Variants in MICAL2 observed in about 807,000 individuals in gnomAD.
MICAL2 encodes [F-actin]-monooxygenase MICAL2.
A neutral mutation model predicts 127.3 loss-of-function variants in MICAL2; 77 were observed. That is an observed-to-expected ratio of 0.60 (90% CI 0.50 to 0.73). The LOEUF (loss-of-function observed/expected upper bound fraction) is 0.73, where lower values mean the gene tolerates loss of function less well. Ranked by LOEUF, MICAL2 falls within the 30% of genes least tolerant of loss-of-function variation. MICAL2 has a pLI of 0.00. For synonymous variants in MICAL2, 570 were observed against 551.1 expected (o/e 1.03, Z -0.48); for missense variants, 1,351 against 1,434.4 (o/e 0.94, Z 0.94).
At chr11:12,124,206 TTAAG>T (rs1850728439) in intron 1 of MICAL2, among the ~76,000 whole-genome samples, 1 of 152,050 alleles carries the variant, frequency 6.6e-6, no homozygotes, top group South Asian at 2.1e-4. Flanking sequence ...AGAATCCTAT[TTAAG>T]TATGCCTTCC....
chr11:12,152,855 A>G (rs1853748660), intron 2 of MICAL2, among the ~76,000 whole-genome samples: 1 of 152,144 alleles, frequency 6.6e-6, no homozygotes, highest in African/African-American at 2.4e-5. Flanking sequence ...AGTATTTCAG[A>G]AAGTTAGCAA....
At chr11:12,154,484 C>T (rs746891471) in intron 2 of MICAL2, among the ~76,000 whole-genome samples, 3 of 152,158 alleles carry the variant, frequency 2.0e-5, no homozygotes, top group Non-Finnish European at 4.4e-5. Context: ...TTGGGAAATA[C>T]AGAAAAGTAT....
intron 32 of MICAL2, among the ~76,000 whole-genome samples, chr11:12,337,006 T>A (rs1374039904): frequency 1.3e-5 from 2 of 152,234 alleles, no homozygotes; most frequent in Non-Finnish European, 2.9e-5. Context: ...TTCTATTGAT[T>A]GGAATAGTTT....
At position 12,222,734 on chromosome 11, in the gene MICAL2, G is replaced by T. The variant is rs758163870; in HGVS notation, c.1440G>T (p.Arg480Ser). The change falls in exon 11 of 28, where the codon AGG becomes AGT. Residue 480 changes from arginine (R) to serine (S), a missense_variant. Transcript: ENST00000683283. The part of the protein sequence containing the change: ...RYPNLNSHCV[R>S]PHQVKHLYIT... Reference sequence around the variant, plus strand: ...CAAACCTCAACTCACACTGTGTCAGGCCCCATCAGGCAAGTCCATTGCTGG... The same window carrying T: ...CAAACCTCAACTCACACTGTGTCAGTCCCCATCAGGCAAGTCCATTGCTGG... 4 of 1,614,026 alleles carry T rather than the reference G, an allele frequency of 2.5e-6. No homozygotes were observed. The highest frequency in any genetic ancestry group is 1.1e-5 in the South Asian group (1 of 91,080).
At chr11:12,293,468 C>T (rs1023779309), downstream of MICAL2, 16 of 1,442,558 alleles carry the variant, frequency 1.1e-5, no homozygotes, top group African/African-American at 1.9e-4. Context: ...GAAGAAAAAA[C>T]AGGGAGGGGG....
intron 32 of MICAL2, among the ~76,000 whole-genome samples, chr11:12,346,309 G>T (rs1006565469): frequency 8.5e-5 from 13 of 152,210 alleles, no homozygotes; most frequent in African/African-American, 3.1e-4. Flanking sequence ...AGCTTATACT[G>T]TGTGCCAGGA....
chr11:12,264,787 G>A (rs750108591), downstream of MICAL2, among the ~76,000 whole-genome samples: 2 of 152,182 alleles, frequency 1.3e-5, no homozygotes, highest in African/African-American at 2.4e-5. Flanking sequence ...GCTGGGCTGT[G>A]CAAGTGACTC....
At chr11:12,243,899 ACAGG>A in intron 20 of MICAL2, 84 bp from the exon 21 acceptor site, 1 of 1,500,804 alleles carries the variant, frequency 6.7e-7, no homozygotes, top group South Asian at 1.1e-5. Flanking sequence ...TCTTGAGTGC[ACAGG>A]CATGGGACTG....
downstream of MICAL2, among the ~76,000 whole-genome samples, chr11:12,265,975 G>A (rs1265005103): frequency 2.6e-5 from 4 of 152,134 alleles, no homozygotes; most frequent in East Asian, 3.9e-4. Context: ...AGCTGGGCAC[G>A]GTGGCACATG....
intron 6 of MICAL2, among the ~76,000 whole-genome samples, chr11:12,212,892 A>T (rs954426): frequency 0.44 from 67,363 of 152,030 alleles, 15,844 homozygotes; most frequent in African/African-American, 0.59. Context: ...AAATGCTAAC[A>T]GAGTAGTTTT....
chr11:12,351,334 A>G (rs1233204252), intron 33 of MICAL2, among the ~76,000 whole-genome samples: 1 of 152,216 alleles, frequency 6.6e-6, no homozygotes, highest in African/African-American at 2.4e-5. Flanking sequence ...GCCAGGGGCA[A>G]TAACCTCAGA....
At chr11:12,276,920 C>T (rs1863727716) in intron 1 of MICAL2, among the ~76,000 whole-genome samples, 1 of 152,144 alleles carries the variant, frequency 6.6e-6, no homozygotes, top group Non-Finnish European at 1.5e-5. Context: ...TAGAGAGTGG[C>T]TGGTCAGCTG....
chr11:12,319,668 T>A (rs1359857430), intron 29 of MICAL2: 1 of 1,499,172 alleles, frequency 6.7e-7, no homozygotes, highest in African/African-American at 1.4e-5. Flanking sequence ...AGCTAGCAGT[T>A]CATTGAGTTT....
chr11:12,212,429 T>C (rs1855595782), intron 6 of MICAL2, among the ~76,000 whole-genome samples: 1 of 152,022 alleles, frequency 6.6e-6, no homozygotes, highest in Admixed American at 6.6e-5. Flanking sequence ...TGAGCCATGA[T>C]TGGCACCGCT....
intron 32 of MICAL2, among the ~76,000 whole-genome samples, chr11:12,340,314 A>T (rs1938842214): frequency 6.6e-6 from 1 of 152,218 alleles, no homozygotes; most frequent in Non-Finnish European, 1.5e-5. Flanking sequence ...GGAAAATACA[A>T]ATAATTCAGA....
chr11:12,300,627 C>T (rs1864036424), intron 29 of MICAL2, among the ~76,000 whole-genome samples: 1 of 152,116 alleles, frequency 6.6e-6, no homozygotes, highest in Non-Finnish European at 1.5e-5. Context: ...TGACAAGCAG[C>T]AAGAAAACAG....
Position 12,249,201 on chromosome 11 carries a change from A to G in MICAL2, c.2802A>G (p.Ser934=). 7.4e-6 allele frequency: 12 copies of G among 1,613,804 alleles called. No homozygotes were observed. Among genetic ancestry groups the G allele is most frequent in the Non-Finnish European group, 1.0e-5 (12 of 1,179,678 alleles). The change falls in exon 22 of 28, where the codon TCA becomes TCG. Residue 934 remains serine, a synonymous_variant. Transcript: ENST00000683283. ...TTCTAAAGGAAAAGAAGTCACCTTCAGGGTTCCATTTTCATCCCAGCCATT... is the reference window on the plus strand; with the variant it reads ...TTCTAAAGGAAAAGAAGTCACCTTCGGGGTTCCATTTTCATCCCAGCCATT... ...SPARKEKKSP[S]GFHFHPSHLR... is the part of the protein sequence containing the mutation.
chr11:12,212,417 A>T (rs1427003286), intron 6 of MICAL2, among the ~76,000 whole-genome samples: 2 of 152,202 alleles, frequency 1.3e-5, no homozygotes, highest in Non-Finnish European at 2.9e-5. Flanking sequence ...TCGAGGCTGC[A>T]GTGAGCCATG....
At chr11:12,306,153 G>A (rs1404477020) in intron 29 of MICAL2, among the ~76,000 whole-genome samples, 2 of 152,144 alleles carry the variant, frequency 1.3e-5, no homozygotes, top group East Asian at 1.9e-4. Flanking sequence ...AGATGAAGAC[G>A]TAACATTACC....
Sources: allele counts gnomAD v4.1 joint callset (sites outside exome capture counted in the v4.1 genomes callset), GRCh38; gene constraint gnomAD v4.1.1; transcripts MANE v1.5; gene names NCBI Gene and HGNC (gene_info 2026-07-23, HGNC 2026-07-21).